The following CADPS2 variants were observed in gnomAD, a reference collection of about 807,000 sequenced individuals.
The protein encoded by CADPS2 is calcium-dependent secretion activator 2.
A neutral mutation model predicts 172.5 loss-of-function variants in CADPS2; 93 were observed. That is an observed-to-expected ratio of 0.54 (90% CI 0.46 to 0.64). The LOEUF (loss-of-function observed/expected upper bound fraction) is 0.64, where lower values mean the gene tolerates loss of function less well. Among genes scored for constraint, CADPS2 ranks in the 30% least tolerant of loss-of-function variants. CADPS2 has a pLI of 0.00. For missense variants in CADPS2, 1,420 were observed against 1,565.9 expected, an observed-to-expected ratio of 0.91 and a Z score of 1.57; for synonymous variants, 546 against 555.2, an observed-to-expected ratio of 0.98 and a Z score of 0.23.
At chr7:122,612,070 A>G (rs1226010311) in intron 6 of CADPS2, among the ~76,000 whole-genome samples, 1 of 152,070 alleles carries the variant, frequency 6.6e-6, no homozygotes, top group African/African-American at 2.4e-5. Flanking sequence ...TAAACTGCTA[A>G]GAGTTTCTAT....
At chr7:122,846,979 C>T (rs1160518218) in intron 1 of CADPS2, among the ~76,000 whole-genome samples, 1 of 152,232 alleles carries the variant, frequency 6.6e-6, no homozygotes, top group Non-Finnish European at 1.5e-5. Flanking sequence ...GATCCAGGAA[C>T]ATGCATTTTA....
chr7:122,351,129 G>T (rs747429301), intron 27 of CADPS2, among the ~76,000 whole-genome samples: 1 of 151,828 alleles, frequency 6.6e-6, no homozygotes, highest in Non-Finnish European at 1.5e-5. Context: ...ACTTTGGGAG[G>T]CTGAGGTGGG....
rs747343269 is a variant in CADPS2 at position 122,640,958 on chromosome 7, A to C, written c.787-11630T>G. Among the ~76,000 whole-genome samples, 207 of 150,850 alleles carry C rather than the reference A, an allele frequency of 1.4e-3. 3 individuals carry two copies. Among genetic ancestry groups the C allele is most frequent in the Non-Finnish European group, 2.8e-4 (19 of 67,762 alleles). On this transcript the variant is annotated intron_variant, in intron 3 of 29. Transcript: ENST00000449022. ...CAAAAAAAAAAAAAAAAAATTGTTG[A>C]CCCACTAGATCCTAGTGCCGGATTT... is the stretch of plus-strand genomic sequence containing the variant.
chr7:122,667,625 T>A (rs909809172), intron 2 of CADPS2, among the ~76,000 whole-genome samples: 1 of 151,818 alleles, frequency 6.6e-6, no homozygotes, highest in African/African-American at 2.4e-5. Flanking sequence ...GCAAATATAA[T>A]AGGGCGACAG....
intron 6 of CADPS2, among the ~76,000 whole-genome samples, chr7:122,608,478 T>C (rs990990288): frequency 6.6e-6 from 1 of 152,180 alleles, no homozygotes; most frequent in African/African-American, 2.4e-5. Flanking sequence ...TGCAATGTTC[T>C]TTCAATAGTT....
intron 1 of CADPS2, among the ~76,000 whole-genome samples, chr7:122,753,887 A>C (rs193119550): frequency 6.6e-6 from 1 of 152,110 alleles, no homozygotes; most frequent in Non-Finnish European, 1.5e-5. Context: ...GTCACCAAAA[A>C]CTTTTTTTTT....
intron 3 of CADPS2, among the ~76,000 whole-genome samples, chr7:122,640,910 G>A (rs1308176623): frequency 1.3e-5 from 2 of 149,442 alleles, no homozygotes; most frequent in African/African-American, 2.5e-5. Flanking sequence ...CTCCAGCCTG[G>A]GTGACATAGC....
intron 2 of CADPS2, among the ~76,000 whole-genome samples, chr7:122,706,558 ACT>A (rs1363486406): frequency 6.8e-5 from 10 of 146,466 alleles, no homozygotes; most frequent in African/African-American, 2.0e-4. Flanking sequence ...ATTCTACCTA[ACT>A]CTTGTTAACA....
At chr7:122,593,426 T>C (rs759234184) in intron 6 of CADPS2, among the ~76,000 whole-genome samples, 23 of 152,076 alleles carry the variant, frequency 1.5e-4, no homozygotes, top group Non-Finnish European at 2.9e-4. Flanking sequence ...AGAGACAGAT[T>C]CTGGGCTTGG....
intron 7 of CADPS2, among the ~76,000 whole-genome samples, chr7:122,578,697 A>C (rs2068382978): frequency 6.6e-6 from 1 of 152,154 alleles, no homozygotes; most frequent in African/African-American, 2.4e-5. Flanking sequence ...GAATATTTTA[A>C]GGACAGAATG....
At chr7:122,885,968 G>C (rs1436556369) in intron 1 of CADPS2, 31 bp downstream of exon 1, 1 of 1,585,034 alleles carries the variant, frequency 6.3e-7, no homozygotes, top group Non-Finnish European at 8.6e-7. Flanking sequence ...GGGAGAAGTG[G>C]TGGTAGGAGG....
chr7:122,645,384 C>CATATACACACAT (rs2078273802), intron 3 of CADPS2, among the ~76,000 whole-genome samples: 2 of 61,648 alleles, frequency 3.2e-5, no homozygotes, highest in African/African-American at 1.1e-4. Context: ...CACATATGTA[C>CATATACACACAT]ATGTGTGTGT....
At position 122,664,258 on chromosome 7, in the gene CADPS2, T is replaced by C. The variant is rs78994566; in HGVS notation, c.454-689A>G. The stretch of plus-strand genomic sequence containing the variant: ...AATATTCATCATATGTAATTTTTAC[T>C]CAAAATTGCCCAACAGCTGGGGGGC... On this transcript the variant is annotated intron_variant, in intron 2 of 29. Coordinates refer to ENST00000449022, the MANE Select transcript of CADPS2 (RefSeq NM_017954.11). Among the ~76,000 whole-genome samples the C allele has an allele frequency of 1.2e-4, 19 of 152,172 alleles. No homozygotes were observed. The East Asian group carries it at 3.1e-3, about 25-fold the overall frequency.
At chr7:122,752,045 C>T (rs1464055203) in intron 1 of CADPS2, among the ~76,000 whole-genome samples, 2 of 146,706 alleles carry the variant, frequency 1.4e-5, no homozygotes, top group African/African-American at 2.5e-5. Context: ...ATTCACAAAA[C>T]AGATGTCCAA....
chr7:122,637,225 A>C (rs2077173348), intron 3 of CADPS2, among the ~76,000 whole-genome samples: 2 of 104,918 alleles, frequency 1.9e-5, no homozygotes, highest in East Asian at 3.3e-4. Flanking sequence ...ACAGGGTCTC[A>C]CTCTGTGGCC....
At chr7:122,662,621 G>A (rs184040659) in intron 3 of CADPS2, among the ~76,000 whole-genome samples, 4 of 152,126 alleles carry the variant, frequency 2.6e-5, no homozygotes, top group Admixed American at 1.3e-4. Context: ...CTATCTGCCC[G>A]CCTCAGCCTC....
intron 6 of CADPS2, among the ~76,000 whole-genome samples, chr7:122,588,366 A>C (rs1163227020): frequency 6.6e-6 from 1 of 151,988 alleles, no homozygotes; most frequent in Admixed American, 6.6e-5. Context: ...ATCTTGAGTT[A>C]ATTGTTAATA....
intron 1 of CADPS2, among the ~76,000 whole-genome samples, chr7:122,809,117 A>G (rs1226095465): frequency 2.0e-5 from 3 of 152,136 alleles, no homozygotes; most frequent in Admixed American, 2.0e-4. Flanking sequence ...GGTTTTCTGT[A>G]TATACATTGT....
At chr7:122,443,710 CAAAAAAAAAAA>C (rs56137420) in intron 15 of CADPS2, among the ~76,000 whole-genome samples, 1 of 57,846 alleles carries the variant, frequency 1.7e-5, no homozygotes, top group Non-Finnish European at 3.1e-5. Context: ...CTGCTTTCTA[CAAAAAAAAAAA>C]AAAAAAAAAA....
Sources: gnomAD v4.1 joint callset for allele counts (sites outside exome capture counted in the v4.1 genomes callset) on GRCh38, gnomAD v4.1.1 for gene constraint, MANE v1.5 for transcripts, NCBI Gene and HGNC (gene_info 2026-07-23, HGNC 2026-07-21) for gene names.